SCAF4: variants seen among roughly 807,000 people sequenced by gnomAD.
The protein encoded by SCAF4 is SR-related CTD associated factor 4.
SCAF4 carries 25 observed loss-of-function variants against 129.8 expected under a neutral mutation model. The ratio of observed to expected loss-of-function variants is 0.19; its 90% CI spans 0.14 to 0.27. SCAF4 has a LOEUF of 0.27. Ranked by LOEUF, SCAF4 falls within the 10% of genes least tolerant of loss-of-function variation. SCAF4 has a pLI of 1.00. For missense variants in SCAF4, 1,246 were observed against 1,457.1 expected, an observed-to-expected ratio of 0.86 and a Z score of 2.36; for synonymous variants, 551 against 497.7, an observed-to-expected ratio of 1.11 and a Z score of -1.43.
intron 1 of SCAF4, among the ~76,000 whole-genome samples, chr21:31,710,514 A>G (rs1391302482): frequency 6.6e-6 from 1 of 152,146 alleles, no homozygotes; most frequent in Non-Finnish European, 1.5e-5. Context: ...GTGCCACTAC[A>G]CTCCAGCCTG....
intron 1 of SCAF4, among the ~76,000 whole-genome samples, chr21:31,716,384 T>C (rs976317608): frequency 6.6e-6 from 1 of 152,084 alleles, no homozygotes. Context: ...AAGAAATACA[T>C]ATATACTCAC....
chr21:31,674,810 T>C (rs753716204), intron 19 of SCAF4, among the ~76,000 whole-genome samples: 17 of 152,006 alleles, frequency 1.1e-4, no homozygotes, highest in Non-Finnish European at 2.2e-4. Context: ...ACCCAATTCA[T>C]TCATATTATG....
At chr21:31,731,408 C>A (rs1368823188) in intron 1 of SCAF4, among the ~76,000 whole-genome samples, 1 of 152,260 alleles carries the variant, frequency 6.6e-6, no homozygotes, top group South Asian at 2.1e-4. Context: ...TATGGGAGGC[C>A]GCAAGGGGGC....
chr21:31,710,695 C>T (rs1165086258), intron 1 of SCAF4, among the ~76,000 whole-genome samples: 1 of 152,154 alleles, frequency 6.6e-6, no homozygotes, highest in Non-Finnish European at 1.5e-5. Context: ...CTGGCATAGC[C>T]AAATGCTACA....
Position 31,685,137 on chromosome 21 carries a change from G to A in SCAF4, c.2400C>T (p.Asp800=). The part of the protein sequence containing the change: ...SGARGNAESG[D]SVKMYGSAVP... ...CGGCAGAGCCATACATTTTCACGCT[G>A]TCACCAGACTCGGCGTTTCCTCTAG... Residue 800 remains aspartate (D), a synonymous_variant, in exon 19 of 20, where the codon GAC becomes GAT. Coordinates refer to ENST00000286835, the MANE Select transcript of SCAF4 (RefSeq NM_020706.2). 1 of 1,613,014 alleles carries A rather than the reference G, an allele frequency of 6.2e-7. No homozygotes were observed. Among genetic ancestry groups the A allele is most frequent in the South Asian group, 1.1e-5 (1 of 91,042 alleles).
chr21:31,712,222 C>T (rs377655106), intron 1 of SCAF4, among the ~76,000 whole-genome samples: 3 of 135,426 alleles, frequency 2.2e-5, no homozygotes, highest in Admixed American at 1.5e-4. Flanking sequence ...TTGTTTGTTG[C>T]TTTTTTTTTT....
rs1022033649 is a variant in SCAF4, at chr21:31,671,313, C to G, written c.*86G>C. ...CAGCTGGCGCGGGGCTGCAGTACAGCGGGAGCGGATATAATACAGCATCTG... is the reference window on the plus strand; with the variant it reads ...CAGCTGGCGCGGGGCTGCAGTACAGGGGGAGCGGATATAATACAGCATCTG... On this transcript the variant is annotated 3_prime_UTR_variant, in exon 20 of 20. Transcript: ENST00000286835. 4.3e-5 allele frequency: 64 copies of G among 1,472,464 alleles called. No individual in the cohort carries two copies. The Middle Eastern group carries it at 1.3e-3, about 29-fold the overall frequency. The allele number at this position is 1,472,464 out of a possible 1,614,324, so 91.2% of individuals were successfully genotyped here. A position where few individuals can be genotyped will look rare whatever the true frequency, so the allele number is the denominator to read the frequency against.
intron 1 of SCAF4, among the ~76,000 whole-genome samples, chr21:31,710,878 T>C (rs569256207): frequency 8.5e-5 from 13 of 152,288 alleles, no homozygotes; most frequent in African/African-American, 2.9e-4. Flanking sequence ...TCAACAAATA[T>C]CTGAGAGCTT....
In SCAF4 at chr21:31,671,177, A is replaced by AGG. The variant is rs2049680326; in HGVS notation, c.*221_*222insCC. 1 of 420,634 alleles carries AGG rather than the reference A, an allele frequency of 2.4e-6. No individual in the cohort carries two copies. The highest frequency in any genetic ancestry group is 4.1e-6 in the Non-Finnish European group (1 of 243,436). The allele number at this position is 420,634 out of a possible 1,614,324, so 26.1% of individuals were successfully genotyped here. A position where few individuals can be genotyped will look rare whatever the true frequency, so the allele number is the denominator to read the frequency against. ...TAAACTTTTTAAAGTCAAAACTTTT[A>AGG]AAAAGTTACAGCAAAAAGGGTAATA... On this transcript the variant is annotated 3_prime_UTR_variant, in exon 20 of 20. Transcript: ENST00000286835.
At chr21:31,696,031 C>G in intron 9 of SCAF4, 82 bp downstream of exon 9, 1 of 868,302 alleles carries the variant, frequency 1.2e-6, no homozygotes, top group Non-Finnish European at 1.8e-6. Flanking sequence ...AATTACATAG[C>G]TGCAGAGTGC....
chr21:31,696,144 A>G lies in SCAF4; in HGVS notation c.1037T>C (p.Met346Thr). The G allele has an allele frequency of 4.3e-6, 7 of 1,613,820 alleles. No homozygotes were observed. Among genetic ancestry groups the G allele is most frequent in the Non-Finnish European group, 5.9e-6 (7 of 1,179,780 alleles). Residue 346 changes from methionine (M) to threonine (T), a missense_variant, in exon 9 of 20, where the codon ATG becomes ACG. Met to Thr is a moderately conservative substitution (Grantham distance 81). This residue lies in a region of SCAF4 where 236 missense variants were observed against 210.0 expected (regional missense o/e 1.12). Transcript: ENST00000286835. ...GTGCATTGGATCCTGTTGTATTCCC[A>G]TCATTCGTGGCTGAAACTGATCCAT... ...QNMDQFQPRM[M>T]GIQQDPMHHQ...
At chr21:31,723,230 G>A (rs984897740) in intron 1 of SCAF4, among the ~76,000 whole-genome samples, 6 of 152,078 alleles carry the variant, frequency 3.9e-5, no homozygotes, top group African/African-American at 1.4e-4. Context: ...TGACAAACCT[G>A]CCTAAGACTT....
chr21:31,706,136 T>G, intron 2 of SCAF4, 138 bp downstream of exon 2: 1 of 658,946 alleles, frequency 1.5e-6, no homozygotes, highest in Non-Finnish European at 2.7e-6. Context: ...ACGCTTATCA[T>G]GTACCTTCAG....
At chr21:31,691,000 G>GTT in intron 14 of SCAF4, 47 bp from the exon 15 acceptor site, 2 of 1,525,760 alleles carry the variant, frequency 1.3e-6, no homozygotes, top group Non-Finnish European at 1.8e-6. Flanking sequence ...AAGCAAGGTC[G>GTT]TAAGTCTTGA....
chr21:31,676,957 G>A (rs954859702), intron 19 of SCAF4, among the ~76,000 whole-genome samples: 2 of 151,932 alleles, frequency 1.3e-5, no homozygotes, highest in African/African-American at 4.8e-5. Context: ...AAAATATGTG[G>A]TCCTGTGTGA....
At chr21:31,704,154 T>C (rs1163516139) in intron 3 of SCAF4, among the ~76,000 whole-genome samples, 1 of 152,052 alleles carries the variant, frequency 6.6e-6, no homozygotes, top group East Asian at 1.9e-4. Flanking sequence ...TACTCTTCTT[T>C]GATTTCTCTA....
rs1276199521 is a variant in SCAF4, at chr21:31,671,596, C to A, written c.3247G>T (p.Val1083Leu). 1.2e-6 allele frequency: 2 copies of A among 1,614,040 alleles called. No individual in the cohort carries two copies. Among genetic ancestry groups the A allele is most frequent in the African/African-American group, 2.7e-5 (2 of 74,916 alleles). The change falls in exon 20 of 20, where the codon GTG becomes TTG. Residue 1083 changes from valine (V) to leucine (L), a missense_variant. Val to Leu is a conservative substitution (Grantham distance 32). Around this residue, in one of 6 missense-constraint regions of SCAF4, gnomAD observed 339 missense variants for 325.0 expected, o/e 1.04. Transcript: ENST00000286835. Reference sequence around the variant, plus strand: ...TTGTTACCACCTGCCCTGTCTGTCACCTCAGGCTTTTCCTTTCCTCGGGCT... The same window carrying A: ...TTGTTACCACCTGCCCTGTCTGTCAACTCAGGCTTTTCCTTTCCTCGGGCT... ...EEARGKEKPE[V>L]TDRAGGNKTV...
chr21:31,716,339 G>C (rs1375922315), intron 1 of SCAF4, among the ~76,000 whole-genome samples: 2 of 151,976 alleles, frequency 1.3e-5, no homozygotes, highest in African/African-American at 4.8e-5. Flanking sequence ...ACTATGTGAA[G>C]TTGAATTTAA....
chr21:31,672,420 C>T (rs2049733913), intron 19 of SCAF4, 66 bp from the exon 20 acceptor site: 1 of 1,239,204 alleles, frequency 8.1e-7, no homozygotes. Flanking sequence ...CAGCTGTGTT[C>T]TGTGGCGCTT....
Sources: allele counts gnomAD v4.1 joint callset (sites outside exome capture counted in the v4.1 genomes callset), GRCh38; gene constraint gnomAD v4.1.1; regional missense constraint gnomAD v4.1.1; transcripts MANE v1.5; gene names NCBI Gene and HGNC (gene_info 2026-07-23, HGNC 2026-07-21).